CSGALNACT1: variants seen among roughly 807,000 people sequenced by gnomAD.
The protein encoded by CSGALNACT1 is chondroitin sulfate N-acetylgalactosaminyltransferase 1, also known as beta4GalNAcT-1.
Under a neutral mutation model 51.0 loss-of-function variants are expected in CSGALNACT1, and 52 were observed. The ratio of observed to expected loss-of-function variants is 1.02; its 90% CI spans 0.82 to 1.29. The LOEUF (loss-of-function observed/expected upper bound fraction) is 1.29. Among genes scored for constraint, CSGALNACT1 ranks in the 50% most tolerant of loss-of-function variants. CSGALNACT1 has a pLI of 0.00. For synonymous variants in CSGALNACT1, 341 were observed against 254.4 expected, an observed-to-expected ratio of 1.34 and a Z score of -3.24; for missense variants, 935 against 679.2, an observed-to-expected ratio of 1.38 and a Z score of -4.19.
Position 19,594,099 on chromosome 8 carries a change from C to T in CSGALNACT1, c.-415-2821G>A, listed in dbSNP as rs74803112. 7.7e-3 allele frequency among the ~76,000 whole-genome samples: 1,176 copies of T among 152,230 alleles called. 16 individuals carry two copies. The highest frequency in any genetic ancestry group is 0.027 in the African/African-American group (1,111 of 41,510). On this transcript the variant is annotated intron_variant, in intron 2 of 9. Coordinates refer to ENST00000454498, the Ensembl canonical transcript of CSGALNACT1. ...TGAGCTGAGGGTACATATTTGACGT[C>T]AGCAGTTTGGATAAAAGTTCACCAC...
chr8:19,585,781 G>C (rs1467775329), intron 3 of CSGALNACT1, among the ~76,000 whole-genome samples: 3 of 152,306 alleles, frequency 2.0e-5, no homozygotes, highest in African/African-American at 7.2e-5. Context: ...CAACCTCCAT[G>C]TTACCAAATT....
At chr8:19,509,977 T>G (rs977194522) in intron 3 of CSGALNACT1, among the ~76,000 whole-genome samples, 2 of 152,042 alleles carry the variant, frequency 1.3e-5, no homozygotes, top group East Asian at 3.9e-4. Context: ...ACAGAGAGAG[T>G]AGGGAGCAAG....
chr8:19,469,377 C>T (rs1385627633), intron 4 of CSGALNACT1, among the ~76,000 whole-genome samples: 1 of 151,946 alleles, frequency 6.6e-6, no homozygotes, highest in Non-Finnish European at 1.5e-5. Context: ...GGTGACAGAG[C>T]AACACCCTGT....
intron 6 of CSGALNACT1, among the ~76,000 whole-genome samples, chr8:19,431,406 A>G (rs1416847652): frequency 1.3e-5 from 2 of 152,024 alleles, no homozygotes; most frequent in East Asian, 1.9e-4. Context: ...TGCTTTTCCT[A>G]TGCATATTGA....
intron 8 of CSGALNACT1, among the ~76,000 whole-genome samples, chr8:19,417,403 G>T (rs1264114912): frequency 6.6e-6 from 1 of 152,172 alleles, no homozygotes; most frequent in Non-Finnish European, 1.5e-5. Flanking sequence ...AATATCAGTT[G>T]CCAGAGGTTA....
At chr8:19,572,897 T>G (rs1431865595) in intron 3 of CSGALNACT1, among the ~76,000 whole-genome samples, 3 of 152,198 alleles carry the variant, frequency 2.0e-5, no homozygotes, top group Non-Finnish European at 4.4e-5. Context: ...AATTGAGTAC[T>G]TTCTCCAGAA....
Position 19,757,088 on chromosome 8 carries a change from G to A in CSGALNACT1, c.-297+762C>T, listed in dbSNP as rs1297195360. On this transcript the variant is annotated intron_variant, in intron 1 of 1. Coordinates refer to the CSGALNACT1 transcript ENST00000517494. This position sits in a 1 kb window ranked among gnomAD's most constrained non-coding sequence, Gnocchi z 4.0. ...CCCCGAGGTCGCGGGGTGGGCGGGC[G>A]CGAGCTAGGCGCGCGGGGCTGTGGG... The A allele has an allele frequency of 6.7e-6, 1 of 150,302 alleles. No individual in the cohort carries two copies. The highest frequency in any genetic ancestry group is 2.4e-5 in the African/African-American group (1 of 41,324). The allele number at this position is 150,302 out of a possible 1,614,324, so 9.3% of individuals were successfully genotyped here.
intron 4 of CSGALNACT1, among the ~76,000 whole-genome samples, chr8:19,472,234 A>T (rs1420665590): frequency 6.6e-6 from 1 of 152,208 alleles, no homozygotes; most frequent in East Asian, 1.9e-4. Context: ...CAGCTGTAGG[A>T]CTTCCTCTGC....
chr8:19,662,064 A>ACCCCCCCCCCCCCCCCCC (rs1281131821), intron 1 of CSGALNACT1, among the ~76,000 whole-genome samples: 12 of 37,090 alleles, frequency 3.2e-4, no homozygotes, highest in Admixed American at 6.7e-4. Context: ...AGTTGCCCCC[A>ACCCCCCCCCCCCCCCCCC]CCCCCCCCCA....
chr8:19,661,496 G>T (rs146165432), intron 1 of CSGALNACT1, among the ~76,000 whole-genome samples: 1,935 of 152,340 alleles, frequency 0.013, 30 homozygotes, highest in Non-Finnish European at 0.019. Context: ...GCTTGTATGA[G>T]GGTTGGTATT....
At chr8:19,744,835 C>A (rs904663247) in intron 1 of CSGALNACT1, among the ~76,000 whole-genome samples, 2 of 152,182 alleles carry the variant, frequency 1.3e-5, no homozygotes, top group African/African-American at 4.8e-5. Flanking sequence ...TTATCAAGAA[C>A]CTTCTGTGTC....
At chr8:19,551,066 C>G (rs2087927446) in intron 3 of CSGALNACT1, among the ~76,000 whole-genome samples, 1 of 152,188 alleles carries the variant, frequency 6.6e-6, no homozygotes, top group Admixed American at 6.5e-5. Flanking sequence ...GTTCTGAAAC[C>G]ACGCCCCAGG....
intron 4 of CSGALNACT1, among the ~76,000 whole-genome samples, chr8:19,491,529 A>G (rs1238002947): frequency 6.6e-6 from 1 of 152,366 alleles, no homozygotes; most frequent in Admixed American, 6.5e-5. Flanking sequence ...CATTTATAAA[A>G]TTGTGAAAAT....
intron 1 of CSGALNACT1, among the ~76,000 whole-genome samples, chr8:19,706,538 C>T (rs1166863270): frequency 6.6e-6 from 1 of 152,170 alleles, no homozygotes; most frequent in Non-Finnish European, 1.5e-5. Flanking sequence ...GTCCACAAAA[C>T]ACCCAGAAGG....
chr8:19,546,947 G>C (rs189385925), intron 3 of CSGALNACT1, among the ~76,000 whole-genome samples: 4 of 152,216 alleles, frequency 2.6e-5, no homozygotes, highest in Admixed American at 6.5e-5. Flanking sequence ...TTCGCAGAGG[G>C]AGCTGAGAGT....
chr8:19,510,672 G>A (rs973057471), intron 3 of CSGALNACT1, among the ~76,000 whole-genome samples: 3 of 152,276 alleles, frequency 2.0e-5, no homozygotes, highest in South Asian at 4.1e-4. Context: ...TGTTCCCACC[G>A]ACCAAACGTA....
chr8:19,480,620 T>G (rs2071104258), intron 4 of CSGALNACT1, among the ~76,000 whole-genome samples: 1 of 152,202 alleles, frequency 6.6e-6, no homozygotes, highest in South Asian at 2.1e-4. Context: ...TCTTTTCCTT[T>G]GAGTATTTTA....
intron 2 of CSGALNACT1, among the ~76,000 whole-genome samples, chr8:19,599,025 G>A (rs75855293): frequency 0.038 from 5,714 of 152,238 alleles, 364 homozygotes; most frequent in African/African-American, 0.13. Flanking sequence ...GCTAGGTAGA[G>A]AGAGTGTGGA....
intron 4 of CSGALNACT1, among the ~76,000 whole-genome samples, chr8:19,494,458 G>T (rs576442883): frequency 6.6e-6 from 1 of 152,248 alleles, no homozygotes; most frequent in East Asian, 1.9e-4. Flanking sequence ...ACCCTGTGCT[G>T]TCCTTACCTG....
Sources: allele counts gnomAD v4.1 joint callset (sites outside exome capture counted in the v4.1 genomes callset), GRCh38; gene constraint gnomAD v4.1.1; non-coding constraint Gnocchi (gnomAD v3.1); transcripts MANE v1.5; gene names NCBI Gene and HGNC (gene_info 2026-07-23, HGNC 2026-07-21).